Variants in FUBP1 observed in about 807,000 individuals in gnomAD.
FUBP1 encodes the protein far upstream element-binding protein 1.
FUBP1 carries 16 observed loss-of-function variants against 94.9 expected under a neutral mutation model. The ratio of observed to expected loss-of-function variants is 0.17; its 90% CI spans 0.11 to 0.26. FUBP1 has a LOEUF of 0.26. FUBP1 is among the 10% of genes least tolerant of loss of function. FUBP1 has a pLI of 1.00. For synonymous variants in FUBP1, 279 were observed against 254.9 expected (o/e 1.09, Z -0.90); for missense variants, 583 against 808.6 (o/e 0.72, Z 3.38).
chr1:77,964,506 G>A, intron 10 of FUBP1, 140 bp downstream of exon 10: 1 of 666,876 alleles, frequency 1.5e-6, no homozygotes. Flanking sequence ...AGGGTAACAA[G>A]ATATATAGAA....
intron 18 of FUBP1, among the ~76,000 whole-genome samples, chr1:77,953,488 C>CAAAT (rs531918552): frequency 3.9e-5 from 6 of 152,070 alleles, no homozygotes; most frequent in East Asian, 1.9e-4. Context: ...GACTCCCTCT[C>CAAAT]AAATAAATAA....
At chr1:77,950,751 G>T (rs1653300329) in intron 18 of FUBP1, among the ~76,000 whole-genome samples, 1 of 152,124 alleles carries the variant, frequency 6.6e-6, no homozygotes, top group African/African-American at 2.4e-5. Flanking sequence ...CTGGAGCATG[G>T]ACACACAGGA....
At chr1:77,955,724 TTA>T (rs1654330231) in intron 17 of FUBP1, among the ~76,000 whole-genome samples, 2 of 152,106 alleles carry the variant, frequency 1.3e-5, no homozygotes, top group Non-Finnish European at 2.9e-5. Flanking sequence ...ATATCGATGT[TTA>T]TGTGTTTTTT....
chr1:77,948,643 A>G lies in FUBP1; in HGVS notation c.*123T>C, dbSNP rs78266907. ...ACATTTTCAAAAAAAAAAAAAAAAA[A>G]GGAAACACTATTTTAAACCAAAAAC... On this transcript the variant is annotated 3_prime_UTR_variant, in exon 20 of 20. Coordinates refer to ENST00000370768, the MANE Select transcript of FUBP1 (RefSeq NM_003902.5). 4 of 1,360,604 alleles carry G rather than the reference A, an allele frequency of 2.9e-6. No homozygotes were observed. The highest frequency in any genetic ancestry group is 2.9e-6 in the Non-Finnish European group (3 of 1,026,910). 84.3% of individuals were successfully genotyped at this position (1,360,604 alleles called of 1,614,324 possible).
chr1:77,974,134 G>GTTTTTT (rs34146250), intron 1 of FUBP1, among the ~76,000 whole-genome samples: 3 of 122,198 alleles, frequency 2.5e-5, no homozygotes, highest in Non-Finnish European at 5.2e-5. Context: ...TAATTTTTTG[G>GTTTTTT]TTTTTTTTTT....
chr1:77,959,874 A>C (rs1479784536), intron 16 of FUBP1, among the ~76,000 whole-genome samples: 1 of 152,234 alleles, frequency 6.6e-6, no homozygotes, highest in East Asian at 1.9e-4. Context: ...GTCACAATGA[A>C]CATACTACAC....
chr1:77,967,676 A>G lies in FUBP1; in HGVS notation c.251-10T>C. 1 of 1,517,308 alleles carries G rather than the reference A, an allele frequency of 6.6e-7. No individual in the cohort carries two copies. Among genetic ancestry groups the G allele is most frequent in the Non-Finnish European group, 9.1e-7 (1 of 1,102,186 alleles). 94.0% of individuals were successfully genotyped at this position (1,517,308 alleles called of 1,614,324 possible). A position where few individuals can be genotyped will look rare whatever the true frequency, so the allele number is the denominator to read the frequency against. ...AACTGTGTTCCAAAAGCTATCAAAAAATTAAATAAAAATAAAACAAAAATT... is the reference window on the plus strand; with the variant it reads ...AACTGTGTTCCAAAAGCTATCAAAAGATTAAATAAAAATAAAACAAAAATT... On this transcript the variant is annotated splice_polypyrimidine_tract_variant and intron_variant, in intron 3 of 19. Coordinates refer to ENST00000370768, the MANE Select transcript of FUBP1 (RefSeq NM_003902.5).
chr1:77,973,284 T>C (rs1657936867), intron 1 of FUBP1, among the ~76,000 whole-genome samples: 2 of 152,160 alleles, frequency 1.3e-5, no homozygotes, highest in Admixed American at 6.5e-5. Flanking sequence ...CTCAAGATGT[T>C]ACCCAGACTA....
intron 1 of FUBP1, among the ~76,000 whole-genome samples, chr1:77,974,251 TCAGTCTCCTGA>T (rs1234855330): frequency 7.2e-4 from 108 of 150,712 alleles, no homozygotes; most frequent in African/African-American, 2.5e-3. Flanking sequence ...TTCTCCTGCC[TCAGTCTCCTGA>T]GTAGCTGGGA....
Position 77,946,533 on chromosome 1 carries a change from G to A in FUBP1, c.*2233C>T. 1 of 202,024 alleles carries A rather than the reference G, an allele frequency of 4.9e-6. No individual in the cohort carries two copies. The highest frequency in any genetic ancestry group is 7.7e-5 in the East Asian group (1 of 13,038). The allele number at this position is 202,024 out of a possible 1,614,324, so 12.5% of individuals were successfully genotyped here. On this transcript the variant is annotated 3_prime_UTR_variant, in exon 20 of 20. Coordinates refer to ENST00000370768, the MANE Select transcript of FUBP1 (RefSeq NM_003902.5). ...TATGTCCTTAGGTTGTGCTTACCTGGTGCTTTTTGCAGCAGAACCTAAGGT... is the reference window on the plus strand; with the variant it reads ...TATGTCCTTAGGTTGTGCTTACCTGATGCTTTTTGCAGCAGAACCTAAGGT...
At chr1:77,965,038 A>C in intron 8 of FUBP1, 31 bp downstream of exon 8, 2 of 1,603,904 alleles carry the variant, frequency 1.2e-6, no homozygotes, top group Non-Finnish European at 1.7e-6. Flanking sequence ...AAAACAGATC[A>C]AAAGTAGCCA....
In FUBP1 at chr1:77,949,306, A is replaced by G. The variant is rs1157015962; in HGVS notation, c.1781-6T>C. 13 of 1,606,650 alleles carry G rather than the reference A, an allele frequency of 8.1e-6. No homozygotes were observed. Among genetic ancestry groups the G allele is most frequent in the East Asian group, 2.2e-5 (1 of 44,836 alleles). On this transcript the variant is annotated splice_polypyrimidine_tract_variant and splice_region_variant and intron_variant, in intron 18 of 19. Transcript: ENST00000370768. ...CGGAGCAGGAACTGCCTGACCTTTG[A>G]AAAAAAAGAACTTTGTTGCTGTAAC...
chr1:77,955,672 C>T lies in FUBP1; in HGVS notation c.1706-343G>A, dbSNP rs557382997. ...GCTTGAAAACCCCAAAATGCTGAAA[C>T]GGATGTGGTGATATGAACATAGTTT... On this transcript the variant is annotated intron_variant, in intron 17 of 19. Transcript: ENST00000370768. Among the ~76,000 whole-genome samples, 9 of 152,236 alleles carry T rather than the reference C, an allele frequency of 5.9e-5. No homozygotes were observed. The South Asian group carries it at 6.2e-4, about 11-fold the overall frequency.
rs537454554 is a variant in FUBP1, at chr1:77,965,001, A to T, written c.637-33T>A. The stretch of plus-strand genomic sequence containing the variant: ...AATCATAGAAATAATATATATTAAC[A>T]AAAGGAAGTGGACAAAAATGGGCAT... On this transcript the variant is annotated intron_variant, in intron 8 of 19. Coordinates refer to ENST00000370768, the MANE Select transcript of FUBP1 (RefSeq NM_003902.5). 7 of 1,594,702 alleles carry T rather than the reference A, an allele frequency of 4.4e-6. No individual in the cohort carries two copies. In the African/African-American group the frequency reaches 9.4e-5, roughly 21 times the overall value.
rs1395001381 is a variant in FUBP1 at position 77,946,049 on chromosome 1, T to C, written c.*2717A>G. Among the ~76,000 whole-genome samples, 1 of 151,970 alleles carries C rather than the reference T, an allele frequency of 6.6e-6. No homozygotes were observed. The highest frequency in any genetic ancestry group is 1.5e-5 in the Non-Finnish European group (1 of 67,900). On this transcript the variant is annotated 3_prime_UTR_variant, in exon 20 of 20. Coordinates refer to ENST00000370768, the MANE Select transcript of FUBP1 (RefSeq NM_003902.5). ...ATCATAATAAAATTCTAACCCATAA[T>C]ATCCTTACTGAATTATTATAGTTTA...
intron 1 of FUBP1, among the ~76,000 whole-genome samples, chr1:77,974,295 G>C (rs1042359302): frequency 6.6e-6 from 1 of 151,856 alleles, no homozygotes; most frequent in African/African-American, 2.4e-5. Flanking sequence ...ACTACTCCCG[G>C]CTAATTTTTT....
At chr1:77,950,081 TAAAC>T (rs1396696393) in intron 18 of FUBP1, among the ~76,000 whole-genome samples, 1 of 152,240 alleles carries the variant, frequency 6.6e-6, no homozygotes, top group Non-Finnish European at 1.5e-5. Flanking sequence ...TACTCTGAAT[TAAAC>T]AAAACACACA....
At chr1:77,955,388 C>T in intron 17 of FUBP1, 59 bp from the exon 18 acceptor site, 2 of 1,028,342 alleles carry the variant, frequency 1.9e-6, no homozygotes. Flanking sequence ...GCAATTTTGG[C>T]CGTTTCCTTG....
At position 77,946,132 on chromosome 1, in the gene FUBP1, A is replaced by G. The variant is rs1463091225; in HGVS notation, c.*2634T>C. Among the ~76,000 whole-genome samples the G allele has an allele frequency of 3.9e-5, 6 of 152,012 alleles. No individual in the cohort carries two copies. The highest frequency in any genetic ancestry group is 2.4e-5 in the African/African-American group (1 of 41,448). On this transcript the variant is annotated 3_prime_UTR_variant, in exon 20 of 20. Transcript: ENST00000370768. ...TGGAGGGCAAAGAAATTTTCTGTCC[A>G]TCATATAAAACAGATTGTGAAGGCT...
Sources: gnomAD v4.1 joint callset for allele counts (sites outside exome capture counted in the v4.1 genomes callset) on GRCh38, gnomAD v4.1.1 for gene constraint, MANE v1.5 for transcripts, NCBI Gene and HGNC (gene_info 2026-07-23, HGNC 2026-07-21) for gene names.